TRPV3: variants seen among roughly 807,000 people sequenced by gnomAD.
TRPV3 encodes transient receptor potential cation channel subfamily V member 3.
In TRPV3, 88 loss-of-function variants were observed where a neutral mutation model predicts 87.1. The ratio of observed to expected loss-of-function variants is 1.01; its 90% CI spans 0.85 to 1.21. The LOEUF is 1.21. Among genes scored for constraint, TRPV3 ranks in the 50% most tolerant of loss-of-function variants. The pLI, the probability that TRPV3 is intolerant of heterozygous loss-of-function variation, is 0.00. For synonymous variants in TRPV3, 438 were observed against 423.3 expected (o/e 1.03, Z -0.43); for missense variants, 1,054 against 1,030.1 (o/e 1.02, Z -0.32).
Position 3,554,762 on chromosome 17 carries a change from C to T in TRPV3, c.89G>A (p.Arg30Lys), listed in dbSNP as rs779297372. The T allele has an allele frequency of 6.2e-7, 1 of 1,612,866 alleles. No homozygotes were observed. Among genetic ancestry groups the T allele is most frequent in the African/African-American group, 1.3e-5 (1 of 75,040 alleles). Reference sequence around the variant, plus strand: ...CTTTGTGGGGGTGATCTCCGCCGGCCTCTTCTCTGGCAGGATGGCAGGGTT... The same window carrying T: ...CTTTGTGGGGGTGATCTCCGCCGGCTTCTTCTCTGGCAGGATGGCAGGGTT... ...SGNPAILPEKRPAEITPTKKS... is the reference protein window; with the variant it reads ...SGNPAILPEKKPAEITPTKKS... The change falls in exon 2 of 18, where the codon AGG becomes AAG. Residue 30 changes from arginine (R) to lysine (K), a missense_variant. Arg to Lys is a conservative substitution (Grantham distance 26). Transcript: ENST00000576742.
In TRPV3 at chr17:3,557,069, G is replaced by C. The variant is rs1391921015; in HGVS notation, c.-3+607C>G. 6.6e-6 allele frequency among the ~76,000 whole-genome samples: 1 copy of C among 152,020 alleles called. No homozygotes were observed. The highest frequency in any genetic ancestry group is 1.5e-5 in the Non-Finnish European group (1 of 68,004). On this transcript the variant is annotated intron_variant, in intron 1 of 17. Transcript: ENST00000576742. The surrounding 1 kb of genome is among the most constrained non-coding windows in gnomAD (Gnocchi z 4.5). ...GGGCAGGAGAGGCTCAGGGAACTCT[G>C]GACTAGGGCCGCAGCAGCTATCATT...
At chr17:3,537,251 A>G (rs1010939188) in intron 6 of TRPV3, among the ~76,000 whole-genome samples, 1 of 152,158 alleles carries the variant, frequency 6.6e-6, no homozygotes, top group African/African-American at 2.4e-5. Context: ...TCAGCCCCCC[A>G]AAAGCTAGAC....
intron 9 of TRPV3, 80 bp downstream of exon 9, chr17:3,529,947 C>T (rs1488147615): frequency 8.0e-6 from 12 of 1,497,820 alleles, no homozygotes; most frequent in Non-Finnish European, 9.9e-6. Flanking sequence ...AGCACTGGGT[C>T]TTCCCAGCGT....
intron 15 of TRPV3, among the ~76,000 whole-genome samples, chr17:3,517,619 C>CAAA (rs34610978): frequency 5.1e-4 from 33 of 64,964 alleles, no homozygotes; most frequent in East Asian, 5.5e-4. Context: ...GACCCTGTCT[C>CAAA]AAAAAAAAAA....
intron 7 of TRPV3, among the ~76,000 whole-genome samples, chr17:3,534,680 T>C (rs1229568162): frequency 6.6e-6 from 1 of 151,978 alleles, no homozygotes; most frequent in East Asian, 1.9e-4. Context: ...TAACCCCAAT[T>C]GCTTCTGGAC....
At chr17:3,555,641 C>T (rs981954301) in intron 1 of TRPV3, among the ~76,000 whole-genome samples, 1 of 151,962 alleles carries the variant, frequency 6.6e-6, no homozygotes, top group African/African-American at 2.4e-5. Flanking sequence ...TGCTGAGCTC[C>T]GAGGGGTGTG....
In TRPV3 at chr17:3,535,610, G is replaced by A. The variant is rs767033979; in HGVS notation, c.747C>T (p.Phe249=). 2.5e-6 allele frequency: 4 copies of A among 1,609,866 alleles called. No homozygotes were observed. The highest frequency in any genetic ancestry group is 3.4e-6 in the Non-Finnish European group (4 of 1,178,770). ...CTTCGTGTTGGTACTTGGGGTTGAA[G>A]AAGGCCCCCTTGGCGTGCGCGTTGA... ...ADVNAHAKGA[F]FNPKYQHEGF... Residue 249 remains phenylalanine, a synonymous_variant, in exon 7 of 18, where the codon TTC becomes TTT. Coordinates refer to ENST00000576742, the MANE Select transcript of TRPV3 (RefSeq NM_145068.4).
intron 12 of TRPV3, among the ~76,000 whole-genome samples, chr17:3,526,521 C>T (rs11078456): frequency 0.34 from 51,413 of 151,734 alleles, 11,004 homozygotes; most frequent in Non-Finnish European, 0.47. Context: ...ACTGCTAAGC[C>T]TGTTGCCGCC....
At chr17:3,543,758 G>A in intron 4 of TRPV3, 130 bp from the exon 5 acceptor site, 1 of 1,238,844 alleles carries the variant, frequency 8.1e-7, no homozygotes. Flanking sequence ...CACAATGCCT[G>A]CAAACTCCTG....
chr17:3,530,095 G>C lies in TRPV3; in HGVS notation c.1174C>G (p.Leu392Val). The C allele has an allele frequency of 6.2e-7, 1 of 1,614,152 alleles. No individual in the cohort carries two copies. The highest frequency in any genetic ancestry group is 8.5e-7 in the Non-Finnish European group (1 of 1,179,994). The change falls in exon 9 of 18, where the codon CTC (leucine) becomes GTC (valine). Residue 392 changes from leucine (L) to valine (V), a missense_variant. By Grantham distance (32) the Leu-to-Val change is conservative (BLOSUM62 1). Coordinates refer to ENST00000576742, the MANE Select transcript of TRPV3 (RefSeq NM_145068.4). The surrounding 1 kb of genome is among the most constrained non-coding windows in gnomAD (Gnocchi z 4.0). ...YGPVSSSLYD[L>V]TNVDTTTDNS... ...TCCGTGGTGGTGTCCACGTTGGTGA[G>C]GTCGTAGAGGGAGGATGACACGGGT...
At chr17:3,542,080 C>T (rs1162323824) in intron 6 of TRPV3, among the ~76,000 whole-genome samples, 1 of 152,154 alleles carries the variant, frequency 6.6e-6, no homozygotes, top group Non-Finnish European at 1.5e-5. Context: ...CCTCAGCCTC[C>T]CAAGTAGCTG....
intron 12 of TRPV3, among the ~76,000 whole-genome samples, chr17:3,525,845 C>A (rs1190749290): frequency 6.6e-6 from 1 of 152,020 alleles, no homozygotes; most frequent in Non-Finnish European, 1.5e-5. Flanking sequence ...AAACTCCTGA[C>A]CTCAGATGAT....
intron 2 of TRPV3, among the ~76,000 whole-genome samples, chr17:3,551,484 C>G (rs1343577367): frequency 6.6e-6 from 1 of 152,212 alleles, no homozygotes; most frequent in Non-Finnish European, 1.5e-5. Context: ...GTGGTTGACC[C>G]AGGTGAGCAG....
At chr17:3,540,279 T>G (rs1387483152) in intron 6 of TRPV3, among the ~76,000 whole-genome samples, 1 of 151,970 alleles carries the variant, frequency 6.6e-6, no homozygotes. Flanking sequence ...GCCCCTCTGC[T>G]CCGGGTGGAG....
At chr17:3,515,788 C>T (rs547093654) in intron 16 of TRPV3, among the ~76,000 whole-genome samples, 4 of 152,142 alleles carry the variant, frequency 2.6e-5, no homozygotes, top group Non-Finnish European at 5.9e-5. Flanking sequence ...CCCGGGGTCA[C>T]AGGAACTCAC....
At position 3,512,214 on chromosome 17, in the gene TRPV3, A is replaced by C. The variant is rs565082247; in HGVS notation, c.*1703T>G. 1 of 152,286 alleles carries C rather than the reference A, an allele frequency of 6.6e-6. No homozygotes were observed. The highest frequency in any genetic ancestry group is 2.4e-5 in the African/African-American group (1 of 41,542). 9.4% of individuals were successfully genotyped at this position (152,286 alleles called of 1,614,324 possible). A position where few individuals can be genotyped will look rare whatever the true frequency, so the allele number is the denominator to read the frequency against. On this transcript the variant is annotated 3_prime_UTR_variant, in exon 18 of 18. Transcript: ENST00000576742. The stretch of plus-strand genomic sequence containing the variant: ...CCTGCCTCTAGGACAGTTCTCCTCA[A>C]ATCTTCTCTTCTCCAGAGGCCCATG...
intron 14 of TRPV3, among the ~76,000 whole-genome samples, chr17:3,519,474 ATAGATGAT>A (rs1398018305): frequency 1.4e-5 from 2 of 147,470 alleles, no homozygotes; most frequent in African/African-American, 2.6e-5. Flanking sequence ...GGATGGATGG[ATAGATGAT>A]TGGATGGATG....
chr17:3,547,109 G>C (rs2074534472), intron 2 of TRPV3, among the ~76,000 whole-genome samples: 1 of 152,180 alleles, frequency 6.6e-6, no homozygotes, highest in African/African-American at 2.4e-5. Context: ...ACACCTCAAG[G>C]ATGGGGAAGA....
chr17:3,528,950 G>A lies in TRPV3; in HGVS notation c.1288C>T (p.His430Tyr), dbSNP rs967353398. ...TTGGCAAACTTCTTCCACTTCATAT[G>A]CAGCAGCGTGTGCAGCGGCTCCAGG... ...LTLEPLHTLL[H>Y]MKWKKFAKHM... is the part of the protein sequence containing the mutation. The change falls in exon 10 of 18, where the codon CAT becomes TAT. Residue 430 changes from histidine (H) to tyrosine (Y), a missense_variant. Transcript: ENST00000576742. This position sits in a 1 kb window ranked among gnomAD's most constrained non-coding sequence, Gnocchi z 4.2. The A allele has an allele frequency of 3.7e-6, 6 of 1,614,232 alleles. No homozygotes were observed. Among genetic ancestry groups the A allele is most frequent in the Non-Finnish European group, 5.1e-6 (6 of 1,180,044 alleles).
Sources: allele counts gnomAD v4.1 joint callset (sites outside exome capture counted in the v4.1 genomes callset), GRCh38; gene constraint gnomAD v4.1.1; non-coding constraint Gnocchi (gnomAD v3.1); transcripts MANE v1.5; gene names NCBI Gene and HGNC (gene_info 2026-07-23, HGNC 2026-07-21).